The following DNAJB6 variants were observed in gnomAD, a reference collection of about 807,000 sequenced individuals.
DNAJB6 encodes the protein dnaJ homolog subfamily B member 6.
A neutral mutation model predicts 42.7 loss-of-function variants in DNAJB6; 16 were observed. That is an observed-to-expected ratio of 0.37 (90% CI 0.25 to 0.57). The LOEUF (loss-of-function observed/expected upper bound fraction) is 0.57. Ranked by LOEUF, DNAJB6 falls within the 20% of genes least tolerant of loss-of-function variation. The probability of loss-of-function intolerance (pLI) is 0.74; values close to 1 mark genes in which losing one functional copy is unlikely to be tolerated. For missense variants in DNAJB6, 347 were observed against 416.8 expected, an observed-to-expected ratio of 0.83 and a Z score of 1.46; for synonymous variants, 170 against 163.5, an observed-to-expected ratio of 1.04 and a Z score of -0.30.
Position 157,409,768 on chromosome 7 carries a change from G to GCT in DNAJB6, c.692-17_692-16dup, listed in dbSNP as rs945781215. 6.9e-5 allele frequency: 104 copies of GCT among 1,503,024 alleles called. No homozygotes were observed. The highest frequency in any genetic ancestry group is 2.3e-4 in the Middle Eastern group (1 of 4,282). The allele number at this position is 1,503,024 out of a possible 1,614,324, so 93.1% of individuals were successfully genotyped here. On this transcript the variant is annotated intron_variant, in intron 8 of 9. Transcript: ENST00000262177. ...GGCCGGCCGCCGCCGCTCACTCACG[G>GCT]CTCTCTCTCTCCCGCTGTGCCTGCA...
In DNAJB6 at chr7:157,416,123, C is replaced by T. The variant is rs1291963093; in HGVS notation, c.*25C>T. 2.5e-6 allele frequency: 4 copies of T among 1,607,456 alleles called. No individual in the cohort carries two copies. The highest frequency in any genetic ancestry group is 1.1e-5 in the South Asian group (1 of 90,580). On this transcript the variant is annotated 3_prime_UTR_variant, in exon 10 of 10. Transcript: ENST00000262177. ...GACCGGACTTGAGGCACGCGGTGCACCCCCAGACGCTGGCGCTCCACCGTG... is the reference window on the plus strand; with the variant it reads ...GACCGGACTTGAGGCACGCGGTGCATCCCCAGACGCTGGCGCTCCACCGTG...
intron 1 of DNAJB6, among the ~76,000 whole-genome samples, chr7:157,349,077 C>T (rs1342198654): frequency 6.6e-6 from 1 of 151,686 alleles, no homozygotes; most frequent in Non-Finnish European, 1.5e-5. Context: ...TGAGGGCTTG[C>T]TGTGTTGTTG....
intron 1 of DNAJB6, chr7:157,337,424 C>T (rs1040415124): frequency 1.2e-4 from 18 of 152,244 alleles, no homozygotes; most frequent in African/African-American, 3.9e-4. Flanking sequence ...GGCCCAGCCT[C>T]CGCGGCGGCG....
intron 5 of DNAJB6, chr7:157,378,652 C>T (rs543831125): frequency 2.0e-5 from 3 of 152,232 alleles, no homozygotes; most frequent in Non-Finnish European, 4.4e-5. Flanking sequence ...TACGCACGCT[C>T]AGCAACTTAG....
chr7:157,397,222 G>A (rs1363400307), intron 8 of DNAJB6, among the ~76,000 whole-genome samples: 2 of 152,200 alleles, frequency 1.3e-5, no homozygotes, highest in East Asian at 1.9e-4. Context: ...GCTAAGCTGC[G>A]CTGAGGTGGT....
intron 5 of DNAJB6, chr7:157,378,141 G>A (rs1376134592): frequency 6.6e-6 from 1 of 152,194 alleles, no homozygotes; most frequent in Admixed American, 6.5e-5. Flanking sequence ...GATGGTCCTC[G>A]TTCCTGTAAC....
In DNAJB6 at chr7:157,401,530, A is replaced by G. The variant is rs61608469; in HGVS notation, c.692-8265A>G. 5.6e-3 allele frequency among the ~76,000 whole-genome samples: 848 copies of G among 152,254 alleles called. 8 individuals are homozygous for G. The highest frequency in any genetic ancestry group is 0.02 in the African/African-American group (816 of 41,540). The stretch of plus-strand genomic sequence containing the variant: ...TTGACCAACCTAATTTATACTTCTT[A>G]AGGAATGGAAAGAGCACAGAGACCT... On this transcript the variant is annotated intron_variant, in intron 8 of 9. Coordinates refer to ENST00000262177, the MANE Select transcript of DNAJB6 (RefSeq NM_058246.4).
chr7:157,404,673 A>T (rs1795692523), intron 8 of DNAJB6, among the ~76,000 whole-genome samples: 1 of 151,186 alleles, frequency 6.6e-6, no homozygotes, highest in Non-Finnish European at 1.5e-5. Flanking sequence ...ACCACACCCG[A>T]CTAATTTTTG....
At position 157,407,704 on chromosome 7, in the gene DNAJB6, C is replaced by T. The variant is rs556567201; in HGVS notation, c.692-2091C>T. 5.3e-5 allele frequency among the ~76,000 whole-genome samples: 8 copies of T among 152,274 alleles called. No individual in the cohort carries two copies. The East Asian group carries it at 7.8e-4, about 15-fold the overall frequency. Reference sequence around the variant, plus strand: ...CGGGCAGCCTGCAGATGCTTCTCGACGACACGGCCCCTTTGAGTTCGAAGG... The same window carrying T: ...CGGGCAGCCTGCAGATGCTTCTCGATGACACGGCCCCTTTGAGTTCGAAGG... On this transcript the variant is annotated intron_variant, in intron 8 of 9. Transcript: ENST00000262177.
At chr7:157,403,475 GTTTT>G (rs982790438) in intron 8 of DNAJB6, among the ~76,000 whole-genome samples, 1 of 151,952 alleles carries the variant, frequency 6.6e-6, no homozygotes, top group East Asian at 1.9e-4. Flanking sequence ...TTTTTTGTTT[GTTTT>G]TTTTGAGACA....
intron 1 of DNAJB6, among the ~76,000 whole-genome samples, chr7:157,356,196 C>G (rs889334271): frequency 4.6e-5 from 7 of 152,236 alleles, no homozygotes; most frequent in Admixed American, 4.6e-4. Context: ...AGCAGCTTCC[C>G]TCTGTTTCTG....
At chr7:157,339,644 T>A (rs1251199375) in intron 1 of DNAJB6, among the ~76,000 whole-genome samples, 12 of 36,554 alleles carry the variant, frequency 3.3e-4, no homozygotes, top group South Asian at 1.1e-3. Context: ...TGTGTGTGTG[T>A]GTGAGATGGA....
At position 157,399,412 on chromosome 7, in the gene DNAJB6, G is replaced by A. The variant is rs141665693; in HGVS notation, c.692-10383G>A. Among the ~76,000 whole-genome samples the A allele has an allele frequency of 6.0e-4, 92 of 152,298 alleles. 1 individual carries two copies. The East Asian group carries it at 0.014, about 23-fold the overall frequency. ...TGGCCAGTGGTGGTCCACGTAGACC[G>A]CAGGGGTTGCGTAAGGTTAGGACGG... On this transcript the variant is annotated intron_variant, in intron 8 of 9. Transcript: ENST00000262177.
In DNAJB6 at chr7:157,367,716, G is replaced by A. The variant is rs537829344; in HGVS notation, c.346+233G>A. On this transcript the variant is annotated intron_variant, in intron 5 of 9. Transcript: ENST00000262177. The stretch of plus-strand genomic sequence containing the variant: ...TCTCTATTAAAATACAAAATTAGCC[G>A]GGCATGGTGGCGCATGCCTGTAATC... 5.9e-5 allele frequency among the ~76,000 whole-genome samples: 9 copies of A among 152,244 alleles called. No homozygotes were observed. In the South Asian group the frequency reaches 1.5e-3, roughly 25 times the overall value.
At chr7:157,403,830 C>T (rs1795636431) in intron 8 of DNAJB6, among the ~76,000 whole-genome samples, 1 of 152,244 alleles carries the variant, frequency 6.6e-6, no homozygotes, top group Admixed American at 6.5e-5. Context: ...CGCAGCCCAC[C>T]CTGTGTGGAC....
At chr7:157,396,571 G>A (rs981455781) in intron 8 of DNAJB6, among the ~76,000 whole-genome samples, 1 of 152,222 alleles carries the variant, frequency 6.6e-6, no homozygotes, top group Non-Finnish European at 1.5e-5. Flanking sequence ...GCCTGGCCCT[G>A]TGGGTTGAGG....
intron 9 of DNAJB6, chr7:157,414,576 G>A (rs1563156301): frequency 6.6e-6 from 1 of 151,016 alleles, no homozygotes; most frequent in Non-Finnish European, 1.5e-5. Context: ...TCCTAAATAT[G>A]CAGCATGGAA....
In DNAJB6 at chr7:157,358,543, G is replaced by C; in HGVS notation, c.-26-4G>C. The C allele has an allele frequency of 6.2e-7, 1 of 1,602,786 alleles. No homozygotes were observed. The highest frequency in any genetic ancestry group is 8.5e-7 in the Non-Finnish European group (1 of 1,170,512). Reference sequence around the variant, plus strand: ...CATCACTGACCACCTGTTTTTACTTGCAGGACCCATTCCAACAATCTCGTA... The same window carrying C: ...CATCACTGACCACCTGTTTTTACTTCCAGGACCCATTCCAACAATCTCGTA... On this transcript the variant is annotated splice_polypyrimidine_tract_variant and splice_region_variant and intron_variant, in intron 1 of 9. Transcript: ENST00000262177.
At chr7:157,352,538 CT>C (rs1799045632) in intron 1 of DNAJB6, among the ~76,000 whole-genome samples, 1 of 151,968 alleles carries the variant, frequency 6.6e-6, no homozygotes, top group Non-Finnish European at 1.5e-5. Context: ...TTCCTGCTGG[CT>C]CCCTGGTGAG....
Sources: gnomAD v4.1 joint callset for allele counts (sites outside exome capture counted in the v4.1 genomes callset) on GRCh38, gnomAD v4.1.1 for gene constraint, MANE v1.5 for transcripts, NCBI Gene and HGNC (gene_info 2026-07-23, HGNC 2026-07-21) for gene names.